ZNF276: variants seen among roughly 807,000 people sequenced by gnomAD.
ZNF276 encodes zinc finger protein 276, also known as centromere protein Z.
Under a neutral mutation model 63.9 loss-of-function variants are expected in ZNF276, and 59 were observed. The ratio of observed to expected loss-of-function variants is 0.92; its 90% CI spans 0.75 to 1.15. ZNF276 has a LOEUF of 1.15. Among genes scored for constraint, ZNF276 ranks in the 50% most tolerant of loss-of-function variants. ZNF276 has a pLI of 0.00. For missense variants in ZNF276, 1,084 were observed against 843.8 expected (o/e 1.28, Z -3.53); for synonymous variants, 496 against 348.4 (o/e 1.42, Z -4.72).
chr16:89,731,055 G>T (rs541976463), intron 6 of ZNF276, among the ~76,000 whole-genome samples: 2 of 152,224 alleles, frequency 1.3e-5, no homozygotes, highest in African/African-American at 2.4e-5. Flanking sequence ...CAGAGACTGC[G>T]GGTGCTCTGA....
At position 89,738,984 on chromosome 16, in the gene ZNF276, A is replaced by C; in HGVS notation, c.*738A>C. 6.2e-7 allele frequency: 1 copy of C among 1,614,208 alleles called. No individual in the cohort carries two copies. Among genetic ancestry groups the C allele is most frequent in the Non-Finnish European group, 8.5e-7 (1 of 1,180,026 alleles). ...GTTCCACGGGGTTGCCCTAGAGAGA[A>C]AACAGGCAAACTCACAGGTTAGAAG... On this transcript the variant is annotated 3_prime_UTR_variant, in exon 11 of 11. Coordinates refer to ENST00000443381, the MANE Select transcript of ZNF276 (RefSeq NM_001113525.2).
At chr16:89,736,557 ACTTCATGATCCGC>A (rs75207004) in intron 9 of ZNF276, among the ~76,000 whole-genome samples, 65,668 of 150,444 alleles carry the variant, frequency 0.44, 16,127 homozygotes, top group East Asian at 0.76. Flanking sequence ...TCTTGAACTG[ACTTCATGATCCGC>A]CTGCCTTGGC....
chr16:89,730,157 G>T (rs961876806), intron 6 of ZNF276, among the ~76,000 whole-genome samples: 1 of 152,208 alleles, frequency 6.6e-6, no homozygotes, highest in African/African-American at 2.4e-5. Context: ...CAGTGGAGGA[G>T]GCCCGGAGAG....
At chr16:89,720,837 T>C (rs2061245368), upstream of ZNF276, 1 of 1,436,024 alleles carries the variant, frequency 7.0e-7, no homozygotes, top group Non-Finnish European at 9.2e-7. Context: ...GGCTTCACCG[T>C]GCCGTCCCCG....
chr16:89,728,877 G>A (rs889769358), intron 5 of ZNF276, among the ~76,000 whole-genome samples: 1 of 152,218 alleles, frequency 6.6e-6, no homozygotes, highest in Non-Finnish European at 1.5e-5. Flanking sequence ...AAACCCATCA[G>A]TTGCATAGGG....
chr16:89,738,151 G>T lies in ZNF276; in HGVS notation c.1750G>T (p.Asp584Tyr), dbSNP rs757122898. 15 of 1,613,422 alleles carry T rather than the reference G, an allele frequency of 9.3e-6. No individual in the cohort carries two copies. In the East Asian group the frequency reaches 3.3e-4, roughly 36 times the overall value. Residue 584 changes from aspartate to tyrosine, a missense_variant, in exon 11 of 11, where the codon GAC becomes TAC. Coordinates refer to ENST00000443381, the MANE Select transcript of ZNF276 (RefSeq NM_001113525.2). ...GGTGCACCCGCTGACACAGACCCAGGACAAGGCCCTGCCCCTGGAGGCGGA... is the reference window on the plus strand; with the variant it reads ...GGTGCACCCGCTGACACAGACCCAGTACAAGGCCCTGCCCCTGGAGGCGGA... Reference protein sequence around the residue: ...SMVHPLTQTQDKALPLEAEPP... With the variant: ...SMVHPLTQTQYKALPLEAEPP...
chr16:89,723,735 A>G, intron 4 of ZNF276, 26 bp downstream of exon 4: 1 of 1,594,764 alleles, frequency 6.3e-7, no homozygotes. Flanking sequence ...TGCTGGTGCT[A>G]GACCAGGATG....
At chr16:89,721,291 G>C, upstream of ZNF276, 1 of 248,008 alleles carries the variant, frequency 4.0e-6, no homozygotes, top group African/African-American at 2.3e-5. Context: ...GAGGCGGTGA[G>C]GGCCGCGTCG....
rs2061568472 is a variant in ZNF276, at chr16:89,729,244, G to A, written c.1095G>A (p.Leu365=). The A allele has an allele frequency of 2.5e-6, 4 of 1,613,970 alleles. No individual in the cohort carries two copies. Among genetic ancestry groups the A allele is most frequent in the African/African-American group, 1.3e-5 (1 of 74,928 alleles). The stretch of plus-strand genomic sequence containing the variant: ...CTCTCTTAATTCCTAGAGACGTCTT[G>A]AGTGAAGATGAAAATGACAAGAAGC... ...EFSDLSEGDV[L]SEDENDKKQN... The change falls in exon 6 of 11, where the codon TTG becomes TTA. Residue 365 remains leucine, a synonymous_variant. Coordinates refer to ENST00000443381, the MANE Select transcript of ZNF276 (RefSeq NM_001113525.2).
Position 89,740,657 on chromosome 16 carries a change from C to T in ZNF276, c.*2411C>T, listed in dbSNP as rs2062108191. On this transcript the variant is annotated 3_prime_UTR_variant, in exon 11 of 11. Coordinates refer to ENST00000443381, the MANE Select transcript of ZNF276 (RefSeq NM_001113525.2). ...ATCTCAAAAAAAAAAAAAAAAAACC[C>T]ACGGCCTGGGAGTTCTCACTCACAC... The T allele has an allele frequency of 3.1e-6, 2 of 650,508 alleles. No individual in the cohort carries two copies. The highest frequency in any genetic ancestry group is 2.9e-5 in the East Asian group (1 of 34,722). 40.3% of individuals were successfully genotyped at this position (650,508 alleles called of 1,614,324 possible).
Position 89,723,418 on chromosome 16 carries a change from G to A in ZNF276, c.715G>A (p.Asp239Asn), listed in dbSNP as rs569608534. 1.2e-6 allele frequency: 2 copies of A among 1,612,980 alleles called. No individual in the cohort carries two copies. Among genetic ancestry groups the A allele is most frequent in the South Asian group, 1.1e-5 (1 of 91,084 alleles). Residue 239 changes from aspartate (D) to asparagine (N), a missense_variant, in exon 4 of 11, where the codon GAC (aspartate) becomes AAC (asparagine). Transcript: ENST00000443381. ...QVVWGCDQGH[D>N]YTMDTSSSCK... ...CGTGTGGGGCTGCGACCAGGGCCAC[G>A]ACTACACCATGGATACCAGCTCCAG...
In ZNF276 at chr16:89,733,953, G is replaced by A. The variant is rs147389746; in HGVS notation, c.1389G>A (p.Arg463=). 1 of 1,613,878 alleles carries A rather than the reference G, an allele frequency of 6.2e-7. No homozygotes were observed. The highest frequency in any genetic ancestry group is 1.3e-5 in the African/African-American group (1 of 74,920). ...TCAAGGAGCACCACGAGGAGGTCCGGGAGCGGCCCTGCCCCCACCCTGGCT... is the reference window on the plus strand; with the variant it reads ...TCAAGGAGCACCACGAGGAGGTCCGAGAGCGGCCCTGCCCCCACCCTGGCT... ...KHIKEHHEEV[R]ERPCPHPGCN... The change falls in exon 9 of 11, where the codon CGG becomes CGA. Residue 463 remains arginine (R), a synonymous_variant. Coordinates refer to ENST00000443381, the MANE Select transcript of ZNF276 (RefSeq NM_001113525.2).
intron 8 of ZNF276, 44 bp from the exon 9 acceptor site, chr16:89,733,876 GC>G: frequency 6.3e-7 from 1 of 1,590,944 alleles, no homozygotes; most frequent in Non-Finnish European, 8.6e-7. Context: ...GTGCCATGTG[GC>G]CCGGGTGCGG....
intron 9 of ZNF276, among the ~76,000 whole-genome samples, chr16:89,736,433 T>C (rs1360994563): frequency 6.6e-6 from 1 of 151,566 alleles, no homozygotes; most frequent in Non-Finnish European, 1.5e-5. Flanking sequence ...CATGCAATTC[T>C]GCTGCCTCAG....
rs2061811355 is a variant in ZNF276, at chr16:89,735,116, G to T, written c.1474+1078G>T. Among the ~76,000 whole-genome samples, 3 of 152,076 alleles carry T rather than the reference G, an allele frequency of 2.0e-5. No individual in the cohort carries two copies. In the South Asian group the frequency reaches 6.2e-4, roughly 32 times the overall value. ...CCACTGCACTCCAGCCTGGGCAACA[G>T]TGAGACACTGTCTCAAAAAAAAAAC... On this transcript the variant is annotated intron_variant, in intron 9 of 10. Coordinates refer to ENST00000443381, the MANE Select transcript of ZNF276 (RefSeq NM_001113525.2).
chr16:89,738,695 C>A lies in ZNF276; in HGVS notation c.*449C>A. On this transcript the variant is annotated 3_prime_UTR_variant, in exon 11 of 11. Coordinates refer to ENST00000443381, the MANE Select transcript of ZNF276 (RefSeq NM_001113525.2). The stretch of plus-strand genomic sequence containing the variant: ...GCTCACCTCTGGGTCGCAGTCCCCA[C>A]GATCAGCCAGCAGCTGTGAGAGAGG... 1.2e-6 allele frequency: 2 copies of A among 1,613,960 alleles called. No homozygotes were observed. Among genetic ancestry groups the A allele is most frequent in the Non-Finnish European group, 1.7e-6 (2 of 1,180,006 alleles).
In ZNF276 at chr16:89,723,385, A is replaced by G; in HGVS notation, c.682A>G (p.Ile228Val). ...ACTGTCCTCCGAGTACTGCGGCGTC[A>G]TCCAGGTCGTGTGGGGCTGCGACCA... Reference protein sequence around the residue: ...RTLSSEYCGVIQVVWGCDQGH... With the variant: ...RTLSSEYCGVVQVVWGCDQGH... Residue 228 changes from isoleucine to valine, a missense_variant, in exon 4 of 11, where the codon ATC becomes GTC. Ile to Val is a conservative substitution (Grantham distance 29). Transcript: ENST00000443381. 1 of 1,613,036 alleles carries G rather than the reference A, an allele frequency of 6.2e-7. No individual in the cohort carries two copies. Among genetic ancestry groups the G allele is most frequent in the Admixed American group, 1.7e-5 (1 of 60,024 alleles).
At chr16:89,734,154 C>CA in intron 9 of ZNF276, 116 bp downstream of exon 9, 2 of 919,138 alleles carry the variant, frequency 2.2e-6, no homozygotes, top group Non-Finnish European at 3.4e-6. Context: ...GAAGGTGGCT[C>CA]ATGGGGTCTT....
chr16:89,724,651 A>G (rs1190211054), intron 4 of ZNF276, among the ~76,000 whole-genome samples: 3 of 152,206 alleles, frequency 2.0e-5, no homozygotes, highest in Non-Finnish European at 2.9e-5. Flanking sequence ...TGTCCCAAAC[A>G]GAAACACAGC....
Sources: allele counts gnomAD v4.1 joint callset (sites outside exome capture counted in the v4.1 genomes callset), GRCh38; gene constraint gnomAD v4.1.1; transcripts MANE v1.5; gene names NCBI Gene and HGNC (gene_info 2026-07-23, HGNC 2026-07-21).